Variants in ARB2A observed in about 807,000 individuals in gnomAD.
ARB2A encodes the protein ARB2 cotranscriptional regulator A.
chr5:93,985,035 C>A, the ARB2A span, among the ~76,000 whole-genome samples: 12 of 152,160 alleles, frequency 7.9e-5, no homozygotes, highest in African/African-American at 2.7e-4. Context: ...GTTTCTTATA[C>A]ATCCTTTTAA....
At chr5:93,856,715 T>C in the ARB2A span, among the ~76,000 whole-genome samples, 1 of 152,162 alleles carries the variant, frequency 6.6e-6, no homozygotes, top group East Asian at 1.9e-4. Context: ...AACTTCTTTG[T>C]CTTTGGTTTG....
At chr5:93,861,640 T>TA in the ARB2A span, 1 of 152,230 alleles carries the variant, frequency 6.6e-6, no homozygotes, top group Non-Finnish European at 1.5e-5. Context: ...ATCACTTGGT[T>TA]AGCAATCTTA....
chr5:93,853,277 A>C, the ARB2A span, among the ~76,000 whole-genome samples: 1 of 152,250 alleles, frequency 6.6e-6, no homozygotes, highest in Admixed American at 6.5e-5. Flanking sequence ...TTGGTGTATA[A>C]GAATGTTTGT....
the ARB2A span, among the ~76,000 whole-genome samples, chr5:93,644,481 C>T: frequency 6.6e-6 from 1 of 152,152 alleles, no homozygotes; most frequent in Admixed American, 6.5e-5. Flanking sequence ...CCAGAAAGTT[C>T]ACAATTATCC....
At chr5:93,995,981 A>G in the ARB2A span, among the ~76,000 whole-genome samples, 2 of 152,158 alleles carry the variant, frequency 1.3e-5, no homozygotes, top group African/African-American at 2.4e-5. Flanking sequence ...TTTTCTTCCA[A>G]ATACTTTCCC....
At chr5:93,958,525 A>G in the ARB2A span, among the ~76,000 whole-genome samples, 37 of 152,082 alleles carry the variant, frequency 2.4e-4, no homozygotes, top group African/African-American at 8.2e-4. Flanking sequence ...CATATTTCAC[A>G]GGATTAAAAA....
the ARB2A span, among the ~76,000 whole-genome samples, chr5:93,938,004 A>T: frequency 3.7e-4 from 57 of 152,112 alleles, no homozygotes; most frequent in Non-Finnish European, 6.6e-4. Context: ...TAGTTGTGGC[A>T]CCCACAGATG....
the ARB2A span, among the ~76,000 whole-genome samples, chr5:93,859,971 A>C: frequency 3.3e-5 from 5 of 152,320 alleles, 1 homozygote; most frequent in Admixed American, 3.3e-4. Flanking sequence ...AGGCATCTGA[A>C]GCCCAGGAGG....
chr5:94,061,882 AT>A, the ARB2A span, among the ~76,000 whole-genome samples: 58 of 152,362 alleles, frequency 3.8e-4, no homozygotes, highest in Non-Finnish European at 6.6e-4. Context: ...AAAAGTTTAA[AT>A]ACAATTCCTA....
At chr5:93,963,379 T>TG in the ARB2A span, among the ~76,000 whole-genome samples, 31 of 152,188 alleles carry the variant, frequency 2.0e-4, no homozygotes, top group African/African-American at 7.5e-4. Flanking sequence ...TTTTATTGAC[T>TG]AATCCATCAT....
chr5:93,694,109 T>C, the ARB2A span, among the ~76,000 whole-genome samples: 2 of 152,146 alleles, frequency 1.3e-5, no homozygotes, highest in African/African-American at 4.8e-5. Flanking sequence ...CTTGGAAGCA[T>C]TCCCTTTGAA....
At chr5:93,973,316 G>A in the ARB2A span, among the ~76,000 whole-genome samples, 1 of 151,350 alleles carries the variant, frequency 6.6e-6, no homozygotes, top group Non-Finnish European at 1.5e-5. Context: ...AGCAGAAGAA[G>A]GAATCTCAGA....
the ARB2A span, among the ~76,000 whole-genome samples, chr5:93,855,464 A>G: frequency 2.0e-4 from 30 of 152,176 alleles, no homozygotes; most frequent in South Asian, 2.1e-3. Context: ...TTGCATTTAA[A>G]GTTAATATTG....
At chr5:93,920,769 G>T in the ARB2A span, among the ~76,000 whole-genome samples, 1 of 152,086 alleles carries the variant, frequency 6.6e-6, no homozygotes, top group Admixed American at 6.6e-5. Context: ...AAAATTCACT[G>T]CAGTTCATAC....
chr5:94,002,458 T>C, the ARB2A span, among the ~76,000 whole-genome samples: 1 of 152,058 alleles, frequency 6.6e-6, no homozygotes, highest in East Asian at 1.9e-4. Context: ...GGTTTTTTTT[T>C]TTATGCCAGC....
At chr5:93,935,123 TG>T in the ARB2A span, among the ~76,000 whole-genome samples, 1 of 152,104 alleles carries the variant, frequency 6.6e-6, no homozygotes, top group Non-Finnish European at 1.5e-5. Context: ...GACTACACAT[TG>T]GGTACGATGT....
At chr5:94,066,447 CACACACACACACACACACAT>C in the ARB2A span, among the ~76,000 whole-genome samples, 1 of 151,218 alleles carries the variant, frequency 6.6e-6, no homozygotes, top group African/African-American at 2.4e-5. Context: ...CACACACACA[CACACACACACACACACACAT>C]AAAAACCCAG....
At chr5:93,653,239 ATTC>A in the ARB2A span, among the ~76,000 whole-genome samples, 1 of 151,876 alleles carries the variant, frequency 6.6e-6, no homozygotes, top group African/African-American at 2.4e-5. Context: ...AAAGACATTA[ATTC>A]TTCTTCCTGT....
chr5:93,934,600 G>A, the ARB2A span, among the ~76,000 whole-genome samples: 1 of 152,174 alleles, frequency 6.6e-6, no homozygotes, highest in Non-Finnish European at 1.5e-5. Context: ...AATGATGTAT[G>A]AAGGGAAGCC....
Sources: allele counts gnomAD v4.1 joint callset (sites outside exome capture counted in the v4.1 genomes callset), GRCh38; gene constraint gnomAD v4.1.1; transcripts MANE v1.5; gene names NCBI Gene and HGNC (gene_info 2026-07-23, HGNC 2026-07-21).